SNX29: variants seen among roughly 807,000 people sequenced by gnomAD.
The protein encoded by SNX29 is sorting nexin-29.
Under a neutral mutation model 102.1 loss-of-function variants are expected in SNX29, and 78 were observed. That is an observed-to-expected ratio of 0.76 (90% CI 0.64 to 0.92). SNX29 has a LOEUF of 0.92. Ranked by LOEUF, SNX29 falls within the 40% of genes least tolerant of loss-of-function variation. The probability of loss-of-function intolerance (pLI) is 0.00; values close to 1 mark genes in which losing one functional copy is unlikely to be tolerated. For synonymous variants in SNX29, 580 were observed against 414.5 expected (o/e 1.40, Z -4.85); for missense variants, 1,280 against 1,061.7 (o/e 1.21, Z -2.86).
intron 20 of SNX29, among the ~76,000 whole-genome samples, chr16:12,546,908 C>T (rs1052450011): frequency 4.6e-5 from 7 of 152,300 alleles, no homozygotes; most frequent in Admixed American, 4.6e-4. Context: ...CAGCTGGAAG[C>T]CCTAGGAGGA....
At chr16:12,403,746 C>G (rs368623362) in intron 18 of SNX29, among the ~76,000 whole-genome samples, 46 of 152,164 alleles carry the variant, frequency 3.0e-4, no homozygotes, top group African/African-American at 9.2e-4. Context: ...GCCAGTCAGG[C>G]TCTTAGTGTG....
At chr16:12,393,433 C>T (rs1467166378) in intron 16 of SNX29, among the ~76,000 whole-genome samples, 2 of 151,652 alleles carry the variant, frequency 1.3e-5, no homozygotes, top group Non-Finnish European at 3.0e-5. Flanking sequence ...TTCATTCATT[C>T]AGTGTGTTAG....
At position 12,569,649 on chromosome 16, in the gene SNX29, T is replaced by C. The variant is rs1047872508; in HGVS notation, c.*1020T>C. On this transcript the variant is annotated 3_prime_UTR_variant, in exon 21 of 21. Coordinates refer to ENST00000566228, the MANE Select transcript of SNX29 (RefSeq NM_032167.5). ...CTGCATCCCCTAAGACAGAGTCCTC[T>C]GTTCCTCCCATGTCAGGTGGCTCTC... 2 of 229,140 alleles carry C rather than the reference T, an allele frequency of 8.7e-6. No homozygotes were observed. The highest frequency in any genetic ancestry group is 8.7e-6 in the Non-Finnish European group (1 of 115,566). The allele number at this position is 229,140 out of a possible 1,614,324, so 14.2% of individuals were successfully genotyped here.
At chr16:12,207,002 G>A (rs535630735) in intron 14 of SNX29, among the ~76,000 whole-genome samples, 2 of 152,110 alleles carry the variant, frequency 1.3e-5, no homozygotes, top group East Asian at 3.9e-4. Flanking sequence ...AATTAATCAA[G>A]GTGCACTTTT....
At chr16:12,230,636 G>T (rs1040451740) in intron 14 of SNX29, among the ~76,000 whole-genome samples, 1 of 152,176 alleles carries the variant, frequency 6.6e-6, no homozygotes, top group East Asian at 1.9e-4. Context: ...TAACGAATGA[G>T]CAGATGGTAG....
At chr16:12,236,236 A>T (rs1465870497) in intron 14 of SNX29, among the ~76,000 whole-genome samples, 1 of 152,158 alleles carries the variant, frequency 6.6e-6, no homozygotes, top group East Asian at 1.9e-4. Context: ...ATCAAACTGG[A>T]GAAGGGAATG....
chr16:12,564,316 G>A (rs2078897824), intron 20 of SNX29, among the ~76,000 whole-genome samples: 1 of 152,196 alleles, frequency 6.6e-6, no homozygotes, highest in South Asian at 2.1e-4. Context: ...GACTTCACTA[G>A]TGTCTCTTAC....
intron 19 of SNX29, among the ~76,000 whole-genome samples, chr16:12,518,728 T>C (rs2089975569): frequency 6.6e-6 from 1 of 152,186 alleles, no homozygotes; most frequent in Admixed American, 6.5e-5. Context: ...GTCACAGGCC[T>C]GGTGGGCCAT....
At chr16:12,085,516 G>A (rs1021519343) in intron 11 of SNX29, among the ~76,000 whole-genome samples, 3 of 152,138 alleles carry the variant, frequency 2.0e-5, no homozygotes, top group African/African-American at 7.2e-5. Flanking sequence ...TAGTAGAGGT[G>A]GGGTTTTGCC....
In SNX29 at chr16:12,571,468, C is replaced by T. The variant is rs2079186080; in HGVS notation, c.*2839C>T. ...AAACAACATCTGAGAACAGAAGCCC[C>T]CTCCCCTACTCAGAGAGGAACGAGG... On this transcript the variant is annotated 3_prime_UTR_variant, in exon 21 of 21. Coordinates refer to ENST00000566228, the MANE Select transcript of SNX29 (RefSeq NM_032167.5). 1 of 255,222 alleles carries T rather than the reference C, an allele frequency of 3.9e-6. No individual in the cohort carries two copies. Among genetic ancestry groups the T allele is most frequent in the South Asian group, 1.7e-4 (1 of 6,026 alleles). 15.8% of individuals were successfully genotyped at this position (255,222 alleles called of 1,614,324 possible).
rs144942964 is a variant in SNX29 at position 12,490,853 on chromosome 16, A to G, written c.2178+12994A>G. Among the ~76,000 whole-genome samples the G allele has an allele frequency of 7.2e-5, 11 of 152,390 alleles. No homozygotes were observed. The East Asian group carries it at 1.2e-3, about 16-fold the overall frequency. ...CACACACGTATAACCATCCAGATTA[A>G]TCAATGTTAACATTTAGAAATTAAA... On this transcript the variant is annotated intron_variant, in intron 19 of 20. Transcript: ENST00000566228.
chr16:12,499,063 C>G (rs1195963120), intron 19 of SNX29, among the ~76,000 whole-genome samples: 1 of 152,144 alleles, frequency 6.6e-6, no homozygotes, highest in Admixed American at 6.5e-5. Flanking sequence ...ATTCTCATTT[C>G]CACCTTTCAT....
In SNX29 at chr16:12,470,216, A is replaced by G. The variant is rs533003731; in HGVS notation, c.2038-7503A>G. ...GTTTTGAGATGCAGGACTTTGGATC[A>G]TTAAGGAGTTAGTGAAGTTTGAAAT... is the stretch of plus-strand genomic sequence containing the variant. On this transcript the variant is annotated intron_variant, in intron 18 of 20. Transcript: ENST00000566228. Among the ~76,000 whole-genome samples the G allele has an allele frequency of 2.0e-5, 3 of 152,320 alleles. 1 individual carries two copies. The South Asian group carries it at 6.2e-4, about 32-fold the overall frequency.
chr16:12,017,866 C>T (rs201108311), intron 3 of SNX29, among the ~76,000 whole-genome samples: 1 of 152,024 alleles, frequency 6.6e-6, no homozygotes, highest in African/African-American at 2.4e-5. Flanking sequence ...AAAATGCTTC[C>T]ATATGTATTA....
At chr16:12,284,661 CTGATAAGACTCT>C (rs1449854226) in intron 15 of SNX29, among the ~76,000 whole-genome samples, 3 of 151,914 alleles carry the variant, frequency 2.0e-5, no homozygotes, top group Admixed American at 2.0e-4. Context: ...AGCAATGAGT[CTGATAAGACTCT>C]AATTGTTTTC....
At chr16:12,074,913 T>A (rs1283772023) in intron 10 of SNX29, among the ~76,000 whole-genome samples, 1 of 152,222 alleles carries the variant, frequency 6.6e-6, no homozygotes, top group Admixed American at 6.5e-5. Flanking sequence ...ATTTCATTCA[T>A]TTCATCTTCC....
In SNX29 at chr16:12,572,845, C is replaced by T. The variant is rs2079216920; in HGVS notation, c.*4216C>T. ...ATCCCAGAAGGGGCAGCCTCATGCC[C>T]AGGTTTCAGCCCTAAAGGTAATGAT... On this transcript the variant is annotated 3_prime_UTR_variant, in exon 21 of 21. Coordinates refer to ENST00000566228, the MANE Select transcript of SNX29 (RefSeq NM_032167.5). The T allele has an allele frequency of 1.9e-6, 2 of 1,063,798 alleles. No individual in the cohort carries two copies. Among genetic ancestry groups the T allele is most frequent in the Non-Finnish European group, 1.1e-6 (1 of 878,356 alleles). The allele number at this position is 1,063,798 out of a possible 1,614,324, so 65.9% of individuals were successfully genotyped here.
At chr16:12,475,706 C>G (rs188583577) in intron 18 of SNX29, among the ~76,000 whole-genome samples, 3 of 152,334 alleles carry the variant, frequency 2.0e-5, no homozygotes, top group Non-Finnish European at 1.5e-5. Context: ...TGTAAAGTAT[C>G]ATACTGCACA....
chr16:12,497,288 C>A (rs982725660), intron 19 of SNX29, among the ~76,000 whole-genome samples: 2 of 152,194 alleles, frequency 1.3e-5, no homozygotes, highest in Non-Finnish European at 2.9e-5. Flanking sequence ...ATTTCACAAA[C>A]CTGTATTGAA....
Sources: gnomAD v4.1 joint callset for allele counts (sites outside exome capture counted in the v4.1 genomes callset) on GRCh38, gnomAD v4.1.1 for gene constraint, MANE v1.5 for transcripts, NCBI Gene and HGNC (gene_info 2026-07-23, HGNC 2026-07-21) for gene names.